The following HS3ST6 variants were observed in gnomAD, a reference collection of about 807,000 sequenced individuals.
HS3ST6 encodes the protein heparan sulfate glucosamine 3-O-sulfotransferase 6.
Under a neutral mutation model 11.0 loss-of-function variants are expected in HS3ST6, and 13 were observed. The observed-to-expected ratio is 1.18, with a 90% CI of 0.77 to 1.88. The LOEUF (loss-of-function observed/expected upper bound fraction) is 1.88. HS3ST6 is among the 40% of genes most tolerant of loss of function. The probability of loss-of-function intolerance (pLI) is 0.00; values close to 1 mark genes in which losing one functional copy is unlikely to be tolerated. For missense variants in HS3ST6, 541 were observed against 494.4 expected, an observed-to-expected ratio of 1.09 and a Z score of -0.89; for synonymous variants, 232 against 230.6, an observed-to-expected ratio of 1.01 and a Z score of -0.06.
chr16:1,911,946 T>A lies in HS3ST6; in HGVS notation c.673A>T (p.Ile225Phe). The change falls in exon 2 of 2, where the codon ATC (isoleucine) becomes TTC (phenylalanine). Residue 225 changes from isoleucine to phenylalanine, a missense_variant. Transcript: ENST00000454677. ...PVDTAWSAVRIGLYAQHLDHW... is the reference protein window; with the variant it reads ...PVDTAWSAVRFGLYAQHLDHW... ...TCCAGGTGCTGGGCGTACAGGCCGA[T>A]GCGGACGGCGCTCCAGGCTGTGTCC... 6.3e-7 allele frequency: 1 copy of A among 1,584,268 alleles called. No individual in the cohort carries two copies. Among genetic ancestry groups the A allele is most frequent in the Non-Finnish European group, 8.6e-7 (1 of 1,163,932 alleles).
In HS3ST6 at chr16:1,918,180, G is replaced by C. The variant is rs878908506; in HGVS notation, c.144C>G (p.Pro48=). 1.0e-4 allele frequency: 112 copies of C among 1,093,618 alleles called. No homozygotes were observed. The South Asian group carries it at 4.1e-3, about 40-fold the overall frequency. 67.7% of individuals were successfully genotyped at this position (1,093,618 alleles called of 1,614,324 possible). A position where few individuals can be genotyped will look rare whatever the true frequency, so the allele number is the denominator to read the frequency against. Residue 48 remains proline (P), a synonymous_variant, in exon 1 of 2, where the codon CCC becomes CCG. Coordinates refer to ENST00000454677, the MANE Select transcript of HS3ST6 (RefSeq NM_001009606.4). The surrounding 1 kb of genome is among the most constrained non-coding windows in gnomAD (Gnocchi z 6.0). ...VLGAYCLCAL[P]GRCPPAARAP... ...CGCGGGCGGCCGGCGGGCAGCGGCC[G>C]GGGAGGGCGCAGAGGCAGTAGGCGC...
In HS3ST6 at chr16:1,912,324, T is replaced by G; in HGVS notation, c.414-119A>C. 1 of 932,110 alleles carries G rather than the reference T, an allele frequency of 1.1e-6. No individual in the cohort carries two copies. The highest frequency in any genetic ancestry group is 1.4e-6 in the Non-Finnish European group (1 of 705,760). 57.7% of individuals were successfully genotyped at this position (932,110 alleles called of 1,614,324 possible). On this transcript the variant is annotated intron_variant, in intron 1 of 1. Transcript: ENST00000454677. The surrounding 1 kb of genome is among the most constrained non-coding windows in gnomAD (Gnocchi z 5.6). Reference sequence around the variant, plus strand: ...AGCCCAGGCCTCCAGGGCGAGCAAGTCTTCCTCCCTGCTCGGGCCCACCCC... The same window carrying G: ...AGCCCAGGCCTCCAGGGCGAGCAAGGCTTCCTCCCTGCTCGGGCCCACCCC...
At chr16:1,913,595 T>C (rs2082906986) in intron 1 of HS3ST6, among the ~76,000 whole-genome samples, 1 of 152,068 alleles carries the variant, frequency 6.6e-6, no homozygotes, top group African/African-American at 2.4e-5. Context: ...ACAGGGACTG[T>C]GTTAGGGAGG....
In HS3ST6 at chr16:1,912,486, C is replaced by T. The variant is rs577877638; in HGVS notation, c.414-281G>A. ...GAGGATTAGGGTGACGGTCGCTGGT[C>T]GGGAGGCCCAAATGCTCCTCACCAC... On this transcript the variant is annotated intron_variant, in intron 1 of 1. Transcript: ENST00000454677. The surrounding 1 kb of genome is among the most constrained non-coding windows in gnomAD (Gnocchi z 5.6). 1.3e-5 allele frequency among the ~76,000 whole-genome samples: 2 copies of T among 152,226 alleles called. No homozygotes were observed. The highest frequency in any genetic ancestry group is 3.9e-4 in the East Asian group (2 of 5,176).
At position 1,912,184 on chromosome 16, in the gene HS3ST6, C is replaced by T; in HGVS notation, c.435G>A (p.Leu145=). 1 of 1,451,224 alleles carries T rather than the reference C, an allele frequency of 6.9e-7. No homozygotes were observed. The highest frequency in any genetic ancestry group is 9.1e-7 in the Non-Finnish European group (1 of 1,102,596). The allele number at this position is 1,451,224 out of a possible 1,614,324, so 89.9% of individuals were successfully genotyped here. A position where few individuals can be genotyped will look rare whatever the true frequency, so the allele number is the denominator to read the frequency against. ...AWYRSLMPRT[L]DGQITMEKTP... ...TCTTCTCCATGGTGATCTGCCCATC[C>T]AGGGTTCGGGGCATCAGACTCCTGC... is the stretch of plus-strand genomic sequence containing the variant. The change falls in exon 2 of 2, where the codon CTG becomes CTA. Residue 145 remains leucine, a synonymous_variant. Coordinates refer to ENST00000454677, the MANE Select transcript of HS3ST6 (RefSeq NM_001009606.4). The surrounding 1 kb of genome is among the most constrained non-coding windows in gnomAD (Gnocchi z 5.6).
Position 1,911,483 on chromosome 16 carries a change from C to T in HS3ST6, c.*107G>A. The T allele has an allele frequency of 5.2e-6, 7 of 1,341,076 alleles. No homozygotes were observed. The highest frequency in any genetic ancestry group is 6.9e-6 in the Non-Finnish European group (7 of 1,014,800). 83.1% of individuals were successfully genotyped at this position (1,341,076 alleles called of 1,614,324 possible). On this transcript the variant is annotated 3_prime_UTR_variant, in exon 2 of 2. Coordinates refer to ENST00000454677, the MANE Select transcript of HS3ST6 (RefSeq NM_001009606.4). The stretch of plus-strand genomic sequence containing the variant: ...CGAGGTTTGTGGAAAAATCTGGGTC[C>T]AAGCTTTATTTCTTAAATATTCCTC...
chr16:1,919,269 G>C (rs2082947959), upstream of HS3ST6, among the ~76,000 whole-genome samples: 1 of 152,214 alleles, frequency 6.6e-6, no homozygotes, highest in Non-Finnish European at 1.5e-5. Context: ...TGCTGGGGAA[G>C]AGAAGGAGCC....
Position 1,918,090 on chromosome 16 carries a change from G to T in HS3ST6, c.234C>A (p.Gly78=), listed in dbSNP as rs2082938924. ...GGCCGGGACCGCTGGCCAAAGGCAG[G>T]CCGGGTGCTCCCGGGCGGTGGACGG... ...SSSVHRPGAP[G]LPLASGPGRR... The change falls in exon 1 of 2, where the codon GGC becomes GGA. Residue 78 remains glycine, a synonymous_variant. Transcript: ENST00000454677. The surrounding 1 kb of genome is among the most constrained non-coding windows in gnomAD (Gnocchi z 6.0). 4.0e-6 allele frequency: 6 copies of T among 1,491,806 alleles called. No individual in the cohort carries two copies. Among genetic ancestry groups the T allele is most frequent in the Middle Eastern group, 4.0e-4 (2 of 5,054 alleles). The allele number at this position is 1,491,806 out of a possible 1,614,324, so 92.4% of individuals were successfully genotyped here. A position where few individuals can be genotyped will look rare whatever the true frequency, so the allele number is the denominator to read the frequency against.
chr16:1,912,224 G>A lies in HS3ST6; in HGVS notation c.414-19C>T. The A allele has an allele frequency of 7.2e-7, 1 of 1,386,210 alleles. No individual in the cohort carries two copies. The highest frequency in any genetic ancestry group is 9.4e-7 in the Non-Finnish European group (1 of 1,069,092). The allele number at this position is 1,386,210 out of a possible 1,614,324, so 85.9% of individuals were successfully genotyped here. On this transcript the variant is annotated intron_variant, in intron 1 of 1. Transcript: ENST00000454677. This position sits in a 1 kb window ranked among gnomAD's most constrained non-coding sequence, Gnocchi z 5.6. ...CAGACTCCTGCGGGACGGGTGCAAG[G>A]AGAGGGGGCCTGAGCCTCCCCAGCC...
In HS3ST6 at chr16:1,912,264, AG is replaced by A. The variant is rs1321454091; in HGVS notation, c.414-60del. ...CCTCCCCAGCCCTAGACCGGCCCCCAGGGGCCCGGGACCAAGGCCCCCTTAT... is the reference window on the plus strand; with the variant it reads ...CCTCCCCAGCCCTAGACCGGCCCCCAGGGCCCGGGACCAAGGCCCCCTTAT... On this transcript the variant is annotated intron_variant, in intron 1 of 1. Coordinates refer to ENST00000454677, the MANE Select transcript of HS3ST6 (RefSeq NM_001009606.4). The surrounding 1 kb of genome is among the most constrained non-coding windows in gnomAD (Gnocchi z 5.6). The A allele has an allele frequency of 2.3e-6, 3 of 1,285,876 alleles. No homozygotes were observed. Among genetic ancestry groups the A allele is most frequent in the Non-Finnish European group, 3.0e-6 (3 of 1,012,714 alleles). The allele number at this position is 1,285,876 out of a possible 1,614,324, so 79.7% of individuals were successfully genotyped here. A position where few individuals can be genotyped will look rare whatever the true frequency, so the allele number is the denominator to read the frequency against.
intron 1 of HS3ST6, among the ~76,000 whole-genome samples, chr16:1,914,300 G>A (rs1056970452): frequency 4.6e-5 from 7 of 152,180 alleles, no homozygotes; most frequent in South Asian, 2.1e-4. Flanking sequence ...GGGTGGTGGC[G>A]GTACCAAGGT....
intron 1 of HS3ST6, among the ~76,000 whole-genome samples, chr16:1,917,668 G>A (rs1370094509): frequency 6.6e-6 from 1 of 152,230 alleles, no homozygotes; most frequent in East Asian, 1.9e-4. Context: ...TCAGCAGAGA[G>A]AACGGAACCG....
intron 1 of HS3ST6, among the ~76,000 whole-genome samples, chr16:1,914,278 C>T (rs978096562): frequency 1.3e-4 from 20 of 152,206 alleles, no homozygotes; most frequent in African/African-American, 4.8e-4. Flanking sequence ...CAGGGACAAA[C>T]ACAGAGGCCT....
intron 1 of HS3ST6, among the ~76,000 whole-genome samples, chr16:1,917,602 C>T (rs1193536806): frequency 6.6e-6 from 1 of 152,200 alleles, no homozygotes; most frequent in Non-Finnish European, 1.5e-5. Flanking sequence ...ATCCCACGGG[C>T]TGGAAACGAC....
intron 1 of HS3ST6, among the ~76,000 whole-genome samples, chr16:1,916,570 CT>C (rs2082928148): frequency 6.6e-6 from 1 of 151,756 alleles, no homozygotes; most frequent in South Asian, 2.1e-4. Flanking sequence ...TTCCAGAACC[CT>C]TTAGGGCTAA....
In HS3ST6 at chr16:1,918,028, T is replaced by C. The variant is rs773753851; in HGVS notation, c.296A>G (p.Lys99Arg). The part of the protein sequence containing the change: ...RFPQALIVGV[K>R]KGGTRALLEF... ...CAGCAGGGCGCGCGTGCCGCCCTTCTTCACGCCAACGATGAGCGCTTGCGG... is the reference window on the plus strand; with the variant it reads ...CAGCAGGGCGCGCGTGCCGCCCTTCCTCACGCCAACGATGAGCGCTTGCGG... The change falls in exon 1 of 2, where the codon AAG (lysine) becomes AGG (arginine). Residue 99 changes from lysine (K) to arginine (R), a missense_variant. Transcript: ENST00000454677. This position sits in a 1 kb window ranked among gnomAD's most constrained non-coding sequence, Gnocchi z 6.0. 2.6e-6 allele frequency: 4 copies of C among 1,531,858 alleles called. No homozygotes were observed. Among genetic ancestry groups the C allele is most frequent in the African/African-American group, 1.4e-5 (1 of 71,338 alleles). 94.9% of individuals were successfully genotyped at this position (1,531,858 alleles called of 1,614,324 possible). A position where few individuals can be genotyped will look rare whatever the true frequency, so the allele number is the denominator to read the frequency against.
upstream of HS3ST6, among the ~76,000 whole-genome samples, chr16:1,919,078 T>C (rs1344526437): frequency 1.3e-5 from 2 of 151,978 alleles, no homozygotes; most frequent in African/African-American, 4.8e-5. Context: ...TCAGAGAAAA[T>C]AGGTTTCCCT....
chr16:1,920,545 C>G (rs141359986), upstream of HS3ST6, among the ~76,000 whole-genome samples: 969 of 152,252 alleles, frequency 6.4e-3, 9 homozygotes, highest in African/African-American at 0.022. Flanking sequence ...CCTGCCCAGC[C>G]CAGCATGGTC....
intron 1 of HS3ST6, among the ~76,000 whole-genome samples, chr16:1,916,717 A>C (rs533224813): frequency 5.3e-5 from 8 of 150,886 alleles, no homozygotes; most frequent in Admixed American, 3.3e-4. Flanking sequence ...CCTTAACCCA[A>C]AGCCCTTTCT....
Sources: gnomAD v4.1 joint callset for allele counts (sites outside exome capture counted in the v4.1 genomes callset) on GRCh38, gnomAD v4.1.1 for gene constraint, Gnocchi (gnomAD v3.1) non-coding constraint, MANE v1.5 for transcripts, NCBI Gene and HGNC (gene_info 2026-07-23, HGNC 2026-07-21) for gene names.